The following ACVR1C variants were observed in gnomAD, a reference collection of about 807,000 sequenced individuals.
ACVR1C encodes the protein activin receptor type-1C.
ACVR1C carries 23 observed loss-of-function variants against 57.9 expected under a neutral mutation model. That is an observed-to-expected ratio of 0.40 (90% CI 0.29 to 0.56). ACVR1C has a LOEUF of 0.56. Among genes scored for constraint, ACVR1C ranks in the 20% least tolerant of loss-of-function variants. The probability of loss-of-function intolerance (pLI) is 0.50; values close to 1 mark genes in which losing one functional copy is unlikely to be tolerated. For missense variants in ACVR1C, 480 were observed against 607.9 expected (o/e 0.79, Z 2.21); for synonymous variants, 214 against 215.3 (o/e 0.99, Z 0.05).
chr2:157,546,475 T>C (rs1321911052), intron 4 of ACVR1C, among the ~76,000 whole-genome samples: 1 of 152,172 alleles, frequency 6.6e-6, no homozygotes, highest in African/African-American at 2.4e-5. Flanking sequence ...AAGTTTATAT[T>C]AGATAAAATT....
chr2:157,618,143 A>G (rs922624371), intron 1 of ACVR1C, among the ~76,000 whole-genome samples: 1 of 151,910 alleles, frequency 6.6e-6, no homozygotes, highest in African/African-American at 2.4e-5. Context: ...CATAAAAGCC[A>G]AAATAATAAC....
At chr2:157,579,745 A>T (rs1370600460) in intron 2 of ACVR1C, among the ~76,000 whole-genome samples, 1 of 152,232 alleles carries the variant, frequency 6.6e-6, no homozygotes, top group Non-Finnish European at 1.5e-5. Flanking sequence ...TTATTAACAA[A>T]CAATAGACCC....
chr2:157,554,203 G>GAAAGAAAGAAAGAAAGAAAA (rs1687999704), intron 3 of ACVR1C, among the ~76,000 whole-genome samples: 1 of 46,848 alleles, frequency 2.1e-5, no homozygotes, highest in Non-Finnish European at 4.1e-5. Flanking sequence ...AAAGAAGAGA[G>GAAAGAAAGAAAGAAAGAAAA]AAAGAAAGAA....
At chr2:157,609,449 T>A (rs1682482260) in intron 1 of ACVR1C, among the ~76,000 whole-genome samples, 1 of 151,998 alleles carries the variant, frequency 6.6e-6, no homozygotes, top group South Asian at 2.1e-4. Flanking sequence ...GCTGCAGTTG[T>A]TGGATAGAAT....
At chr2:157,613,988 G>C (rs975282310) in intron 1 of ACVR1C, among the ~76,000 whole-genome samples, 5 of 152,112 alleles carry the variant, frequency 3.3e-5, no homozygotes, top group Middle Eastern at 3.2e-3. Context: ...TGTGAAATTA[G>C]AGACTTTTTT....
chr2:157,594,038 G>C (rs1185947376), intron 1 of ACVR1C, among the ~76,000 whole-genome samples: 2 of 152,178 alleles, frequency 1.3e-5, no homozygotes, highest in East Asian at 1.9e-4. Context: ...CCTTAGAGCT[G>C]AGAAGGAATG....
At chr2:157,566,604 G>C (rs944415311) in intron 2 of ACVR1C, among the ~76,000 whole-genome samples, 3 of 152,026 alleles carry the variant, frequency 2.0e-5, no homozygotes, top group Non-Finnish European at 4.4e-5. Context: ...GGTGATGGAC[G>C]CACCTGGAAA....
chr2:157,548,381 C>A lies in ACVR1C; in HGVS notation c.775+1781G>T, dbSNP rs1192848016. 4.9e-5 allele frequency among the ~76,000 whole-genome samples: 7 copies of A among 142,828 alleles called. No individual in the cohort carries two copies. In the South Asian group the frequency reaches 1.6e-3, roughly 33 times the overall value. The allele number at this position is 142,828 out of a possible 152,430, so 93.7% of individuals were successfully genotyped here. Reference sequence around the variant, plus strand: ...AGGTAATTTACAGATTCAATGCCATCCCCATCAAGCTACCAATGACTTTCT... The same window carrying A: ...AGGTAATTTACAGATTCAATGCCATACCCATCAAGCTACCAATGACTTTCT... On this transcript the variant is annotated intron_variant, in intron 4 of 8. Coordinates refer to ENST00000243349, the MANE Select transcript of ACVR1C (RefSeq NM_145259.3).
At chr2:157,541,839 C>A (rs1045463748) in intron 6 of ACVR1C, among the ~76,000 whole-genome samples, 2 of 152,124 alleles carry the variant, frequency 1.3e-5, no homozygotes, top group Non-Finnish European at 2.9e-5. Context: ...CTTAGAATTT[C>A]TCTACTCTCA....
Position 157,538,596 on chromosome 2 carries a change from G to C in ACVR1C, c.1333C>G (p.Pro445Ala). The C allele has an allele frequency of 6.3e-7, 1 of 1,577,076 alleles. No homozygotes were observed. The highest frequency in any genetic ancestry group is 1.8e-5 in the Admixed American group (1 of 55,232). The change falls in exon 8 of 9, where the codon CCA (proline) becomes GCA (alanine). Residue 445 changes from proline (P) to alanine (A), a missense_variant. Transcript: ENST00000243349. ...VCDQKFRPSIPNQWQSCEALR... is the reference protein window; with the variant it reads ...VCDQKFRPSIANQWQSCEALR... ...ACTTCACAACTTTGCCACTGGTTTG[G>C]GATACTTGGTCGAAACTTCTGGTCA... is the stretch of plus-strand genomic sequence containing the variant.
At chr2:157,599,923 T>C (rs1682243420) in intron 1 of ACVR1C, among the ~76,000 whole-genome samples, 1 of 152,176 alleles carries the variant, frequency 6.6e-6, no homozygotes, top group Admixed American at 6.5e-5. Flanking sequence ...CTAATCCTAG[T>C]TCTAGTAATA....
rs1032523702 is a variant in ACVR1C, at chr2:157,533,178, T to A, written c.*740A>T. On this transcript the variant is annotated 3_prime_UTR_variant, in exon 9 of 9. Coordinates refer to ENST00000243349, the MANE Select transcript of ACVR1C (RefSeq NM_145259.3). The stretch of plus-strand genomic sequence containing the variant: ...CTAGCTAACCTTACGGTGTTCATTA[T>A]CACAAGATTTGGACCTAGTGCCAGT... The A allele has an allele frequency of 6.6e-6, 1 of 152,190 alleles. No individual in the cohort carries two copies. Among genetic ancestry groups the A allele is most frequent in the African/African-American group, 2.4e-5 (1 of 41,464 alleles). The allele number at this position is 152,190 out of a possible 1,614,324, so 9.4% of individuals were successfully genotyped here.
chr2:157,611,296 A>C (rs1682526858), intron 1 of ACVR1C, among the ~76,000 whole-genome samples: 1 of 152,198 alleles, frequency 6.6e-6, no homozygotes, highest in Non-Finnish European at 1.5e-5. Context: ...AGTAAACAGC[A>C]TCAGTGGTAT....
At chr2:157,588,848 C>CATATATATAT (rs71402394) in intron 1 of ACVR1C, among the ~76,000 whole-genome samples, 6,097 of 88,666 alleles carry the variant, frequency 0.069, 343 homozygotes, top group Non-Finnish European at 0.086. Flanking sequence ...ACAAACACAC[C>CATATATATAT]ATATATATAT....
At chr2:157,605,331 C>G (rs1682367957) in intron 1 of ACVR1C, among the ~76,000 whole-genome samples, 1 of 151,684 alleles carries the variant, frequency 6.6e-6, no homozygotes, top group South Asian at 2.1e-4. Context: ...AGCATTCCAA[C>G]TTTGTTCTTG....
intron 1 of ACVR1C, among the ~76,000 whole-genome samples, chr2:157,613,081 G>T (rs1442271246): frequency 6.6e-6 from 1 of 152,188 alleles, no homozygotes. Context: ...TGGGGATGTG[G>T]ACTGCTAAGG....
intron 5 of ACVR1C, 121 bp from the exon 6 acceptor site, chr2:157,542,983 T>C (rs988238407): frequency 1.4e-4 from 139 of 995,320 alleles, no homozygotes; most frequent in Non-Finnish European, 5.6e-5. Context: ...AAAGCTCTTG[T>C]CACTATCTAA....
At chr2:157,562,471 A>C (rs1021213297) in intron 2 of ACVR1C, among the ~76,000 whole-genome samples, 72 of 134,484 alleles carry the variant, frequency 5.4e-4, no homozygotes, top group African/African-American at 1.9e-3. Context: ...AAATAAAATA[A>C]AATAAAATAA....
chr2:157,597,770 G>T (rs908208206), intron 1 of ACVR1C, among the ~76,000 whole-genome samples: 2 of 152,152 alleles, frequency 1.3e-5, no homozygotes, highest in Non-Finnish European at 2.9e-5. Flanking sequence ...AAAATGCCTT[G>T]TCTAGAAGCA....
Sources: allele counts gnomAD v4.1 joint callset (sites outside exome capture counted in the v4.1 genomes callset), GRCh38; gene constraint gnomAD v4.1.1; transcripts MANE v1.5; gene names NCBI Gene and HGNC (gene_info 2026-07-23, HGNC 2026-07-21).